Variants in CLSTN2 observed in about 807,000 individuals in gnomAD.
CLSTN2 encodes the protein calsyntenin 2.
In CLSTN2, 48 loss-of-function variants were observed where a neutral mutation model predicts 101.2. The observed-to-expected ratio is 0.47, with a 90% confidence interval of 0.38 to 0.60. The LOEUF (loss-of-function observed/expected upper bound fraction) is 0.60. CLSTN2 is among the 20% of genes least tolerant of loss of function. The pLI is 0.00. For missense variants in CLSTN2, 1,160 were observed against 1,238.2 expected (o/e 0.94, Z 0.95); for synonymous variants, 481 against 463.6 (o/e 1.04, Z -0.48).
At chr3:140,559,418 C>T (rs929567776) in intron 12 of CLSTN2, among the ~76,000 whole-genome samples, 1 of 152,086 alleles carries the variant, frequency 6.6e-6, no homozygotes, top group Non-Finnish European at 1.5e-5. Flanking sequence ...ACTCTAAGCT[C>T]TCAGGAAACT....
chr3:140,039,212 C>A (rs1261427814), intron 1 of CLSTN2, among the ~76,000 whole-genome samples: 1 of 152,152 alleles, frequency 6.6e-6, no homozygotes, highest in Non-Finnish European at 1.5e-5. Flanking sequence ...TGAACACACT[C>A]ACATTTGAAT....
intron 8 of CLSTN2, 82 bp from the exon 9 acceptor site, chr3:140,532,242 T>A (rs540505178): frequency 4.2e-6 from 5 of 1,187,540 alleles, no homozygotes; most frequent in Non-Finnish European, 5.8e-6. Flanking sequence ...AAATGTGTTG[T>A]TCTCCTTTCA....
chr3:140,007,407 A>G (rs2006980666), intron 1 of CLSTN2, among the ~76,000 whole-genome samples: 1 of 152,160 alleles, frequency 6.6e-6, no homozygotes, highest in African/African-American at 2.4e-5. Flanking sequence ...AGGGGTGCCA[A>G]TGGGAGCTGC....
At chr3:140,324,120 C>T (rs59528081) in intron 2 of CLSTN2, among the ~76,000 whole-genome samples, 4,656 of 152,222 alleles carry the variant, frequency 0.031, 222 homozygotes, top group African/African-American at 0.11. Flanking sequence ...TCTTCTATAC[C>T]ACCTTGAAAA....
chr3:139,997,354 A>G (rs2006694248), intron 1 of CLSTN2, among the ~76,000 whole-genome samples: 1 of 152,216 alleles, frequency 6.6e-6, no homozygotes, highest in South Asian at 2.1e-4. Context: ...AGAAAGACGC[A>G]AACACACACA....
chr3:140,079,054 T>C (rs1033471545), intron 1 of CLSTN2, among the ~76,000 whole-genome samples: 1 of 152,172 alleles, frequency 6.6e-6, no homozygotes, highest in African/African-American at 2.4e-5. Flanking sequence ...TGCATGACCA[T>C]TGATCAATTT....
chr3:140,530,145 C>T (rs1054406066), intron 8 of CLSTN2, among the ~76,000 whole-genome samples: 6 of 152,098 alleles, frequency 3.9e-5, no homozygotes, highest in Non-Finnish European at 7.4e-5. Flanking sequence ...CATTATAATA[C>T]CATTTATAAT....
chr3:140,295,664 T>C (rs892068047), intron 2 of CLSTN2, among the ~76,000 whole-genome samples: 1 of 152,164 alleles, frequency 6.6e-6, no homozygotes, highest in Non-Finnish European at 1.5e-5. Flanking sequence ...ACAACATATA[T>C]CACTTAGAGA....
intron 2 of CLSTN2, among the ~76,000 whole-genome samples, chr3:140,298,237 A>T (rs1222075464): frequency 6.6e-6 from 1 of 152,238 alleles, no homozygotes; most frequent in African/African-American, 2.4e-5. Flanking sequence ...TAATATGTGT[A>T]AACCTCAGTT....
chr3:139,957,018 A>T (rs773906018), intron 1 of CLSTN2, among the ~76,000 whole-genome samples: 10 of 152,208 alleles, frequency 6.6e-5, no homozygotes, highest in Non-Finnish European at 1.5e-4. Flanking sequence ...TTGCCCTCAG[A>T]CAATTTAAGT....
chr3:140,402,231 T>C (rs533910192), intron 2 of CLSTN2, among the ~76,000 whole-genome samples: 15 of 152,302 alleles, frequency 9.8e-5, no homozygotes, highest in South Asian at 2.1e-4. Context: ...AATTGGAATG[T>C]AGAGAGTTTC....
In CLSTN2 at chr3:140,573,215, G is replaced by A. The variant is rs2107799579; in HGVS notation, c.*6962G>A. On this transcript the variant is annotated 3_prime_UTR_variant, in exon 17 of 17. Transcript: ENST00000458420. ...GGAGACACCCAGGGCCTGGCAGAGT[G>A]TGGAGGGGGTCATTTAAGGACGTTG... 6.6e-6 allele frequency: 1 copy of A among 152,438 alleles called. No individual in the cohort carries two copies. The highest frequency in any genetic ancestry group is 2.1e-4 in the South Asian group (1 of 4,824). 9.4% of individuals were successfully genotyped at this position (152,438 alleles called of 1,614,324 possible).
intron 4 of CLSTN2, among the ~76,000 whole-genome samples, chr3:140,413,658 A>G (rs2088392056): frequency 6.6e-6 from 1 of 152,206 alleles, no homozygotes; most frequent in African/African-American, 2.4e-5. Flanking sequence ...CCTCAACAAA[A>G]TACTAGCAAA....
chr3:140,089,074 T>A (rs1384374175), intron 1 of CLSTN2, among the ~76,000 whole-genome samples: 2 of 152,222 alleles, frequency 1.3e-5, no homozygotes, highest in Non-Finnish European at 2.9e-5. Flanking sequence ...TTGAGTCTTT[T>A]GGTCTCTGTC....
intron 1 of CLSTN2, among the ~76,000 whole-genome samples, chr3:140,171,337 C>T (rs2010209464): frequency 6.6e-6 from 1 of 152,010 alleles, no homozygotes; most frequent in South Asian, 2.1e-4. Flanking sequence ...GGGGCCAAGA[C>T]CTGAGAATAG....
chr3:140,250,745 G>C (rs563669757), intron 2 of CLSTN2, among the ~76,000 whole-genome samples: 1 of 152,180 alleles, frequency 6.6e-6, no homozygotes, highest in Non-Finnish European at 1.5e-5. Context: ...AAGGGGAGAG[G>C]AGCATTCTCT....
chr3:140,306,733 A>T (rs994342701), intron 2 of CLSTN2, among the ~76,000 whole-genome samples: 1 of 152,098 alleles, frequency 6.6e-6, no homozygotes, highest in African/African-American at 2.4e-5. Context: ...CACCCACATC[A>T]TGTGGCTTTT....
chr3:140,364,561 A>C (rs2087764132), intron 2 of CLSTN2, among the ~76,000 whole-genome samples: 1 of 152,176 alleles, frequency 6.6e-6, no homozygotes, highest in African/African-American at 2.4e-5. Context: ...CCAGGGCGCC[A>C]GGAGCAGGAG....
intron 1 of CLSTN2, among the ~76,000 whole-genome samples, chr3:140,098,746 A>T (rs1051520614): frequency 1.3e-5 from 2 of 152,218 alleles, no homozygotes; most frequent in African/African-American, 4.8e-5. Flanking sequence ...GTTTCCAAAT[A>T]TCTTATTCTA....
Sources: allele counts gnomAD v4.1 joint callset (sites outside exome capture counted in the v4.1 genomes callset), GRCh38; gene constraint gnomAD v4.1.1; transcripts MANE v1.5; gene names NCBI Gene and HGNC (gene_info 2026-07-23, HGNC 2026-07-21).